Variants in ZC3H14 observed in about 807,000 individuals in gnomAD.
ZC3H14 encodes the protein zinc finger CCCH-type containing 14.
Under a neutral mutation model 92.4 loss-of-function variants are expected in ZC3H14, and 31 were observed. The observed-to-expected ratio is 0.34, with a 90% CI of 0.25 to 0.45. The LOEUF is 0.45. Among genes scored for constraint, ZC3H14 ranks in the 20% least tolerant of loss-of-function variants. The pLI, the probability that ZC3H14 is intolerant of heterozygous loss-of-function variation, is 1.00. For synonymous variants in ZC3H14, 321 were observed against 300.9 expected (o/e 1.07, Z -0.69); for missense variants, 781 against 897.3 (o/e 0.87, Z 1.66).
intron 9 of ZC3H14, among the ~76,000 whole-genome samples, chr14:88,578,945 T>C (rs1216135735): frequency 6.6e-6 from 1 of 152,028 alleles, no homozygotes; most frequent in Admixed American, 6.6e-5. Context: ...GTTTGGACTT[T>C]TGGTGTCTGT....
At chr14:88,579,077 A>AC (rs2081558630) in intron 9 of ZC3H14, among the ~76,000 whole-genome samples, 1 of 151,682 alleles carries the variant, frequency 6.6e-6, no homozygotes, top group South Asian at 2.1e-4. Context: ...GAATTTTAAG[A>AC]CCCCACCAAA....
At chr14:88,595,839 C>T (rs888876918) in intron 9 of ZC3H14, among the ~76,000 whole-genome samples, 3 of 152,202 alleles carry the variant, frequency 2.0e-5, no homozygotes, top group African/African-American at 7.2e-5. Flanking sequence ...AGCATGTGGG[C>T]ATCTTAGTAA....
chr14:88,582,975 A>C (rs2082080366), intron 9 of ZC3H14, among the ~76,000 whole-genome samples: 1 of 151,418 alleles, frequency 6.6e-6, no homozygotes, highest in Non-Finnish European at 1.5e-5. Flanking sequence ...CACCCACCTC[A>C]TAATATGTGT....
rs141673902 is a variant in ZC3H14 at position 88,611,313 on chromosome 14, G to A, written c.2204+373G>A. Among the ~76,000 whole-genome samples the A allele has an allele frequency of 5.0e-3, 767 of 152,078 alleles. 2 individuals are homozygous for A. Among genetic ancestry groups the A allele is most frequent in the Middle Eastern group, 0.014 (4 of 294 alleles). ...TTATTTTAAGTAGAGATGGGGTCTT[G>A]AACTCCTGAGCTGAAGCGATATCCT... On this transcript the variant is annotated intron_variant, in intron 16 of 16. Coordinates refer to ENST00000251038, the MANE Select transcript of ZC3H14 (RefSeq NM_024824.5).
intron 2 of ZC3H14, among the ~76,000 whole-genome samples, chr14:88,567,124 A>ATTTAT (rs142510062): frequency 6.9e-6 from 1 of 145,234 alleles, no homozygotes; most frequent in Non-Finnish European, 1.5e-5. Flanking sequence ...TTATTTATTT[A>ATTTAT]TTTTTTTTTG....
intron 2 of ZC3H14, among the ~76,000 whole-genome samples, chr14:88,566,469 T>C (rs1198765275): frequency 1.3e-5 from 2 of 152,244 alleles, no homozygotes; most frequent in South Asian, 2.1e-4. Flanking sequence ...GATGAGAGAA[T>C]TGAGGCTCAG....
Position 88,602,982 on chromosome 14 carries a change from C to T in ZC3H14, c.1669C>T (p.Leu557Phe), listed in dbSNP as rs1566969305. Residue 557 changes from leucine to phenylalanine, a missense_variant, in exon 12 of 17, where the codon CTC becomes TTC. Leu to Phe is a conservative substitution (Grantham distance 22). Transcript: ENST00000251038. ...CCAAACTGCAGCCTCAAACAAGGGA[C>T]TCAGAGGTCTCCTCCACCCACAGCA... is the stretch of plus-strand genomic sequence containing the variant. ...VNQTAASNKG[L>F]RGLLHPQQLH... 3 of 1,614,158 alleles carry T rather than the reference C, an allele frequency of 1.9e-6. No individual in the cohort carries two copies. Among genetic ancestry groups the T allele is most frequent in the Non-Finnish European group, 2.5e-6 (3 of 1,180,032 alleles).
rs924514298 is a variant in ZC3H14, at chr14:88,618,220, G to C, written c.*6469G>C. On this transcript the variant is annotated 3_prime_UTR_variant, in exon 17 of 17. Transcript: ENST00000251038. ...CAGTTCTTGCCTTGTGAATATATAAGTATTTACCTAGTCCATGTAGCCCAA... is the reference window on the plus strand; with the variant it reads ...CAGTTCTTGCCTTGTGAATATATAACTATTTACCTAGTCCATGTAGCCCAA... The C allele has an allele frequency of 1.9e-6, 3 of 1,611,702 alleles. No individual in the cohort carries two copies. Among genetic ancestry groups the C allele is most frequent in the Non-Finnish European group, 1.7e-6 (2 of 1,178,262 alleles).
In ZC3H14 at chr14:88,611,914, T is replaced by TGTAA. The variant is rs570977613; in HGVS notation, c.*166_*169dup. On this transcript the variant is annotated 3_prime_UTR_variant, in exon 17 of 17. Transcript: ENST00000251038. ...TCTGAAGTGTCTAATTTTTCAAGTT[T>TGTAA]GTAAGTTTATTATGTGGTTTTAACA... The TGTAA allele has an allele frequency of 2.5e-4, 240 of 968,004 alleles. 3 individuals carry two copies. In the South Asian group the frequency reaches 3.6e-3, roughly 14 times the overall value. 60.0% of individuals were successfully genotyped at this position (968,004 alleles called of 1,614,324 possible).
chr14:88,622,948 T>C lies in ZC3H14; in HGVS notation c.*11197T>C. ...ATTTTATTTTGAGAAATACTCTTTT[T>C]TTCTGACATGAGCATAATTTTATTT... On this transcript the variant is annotated 3_prime_UTR_variant, in exon 17 of 17. Coordinates refer to ENST00000251038, the MANE Select transcript of ZC3H14 (RefSeq NM_024824.5). 2.5e-6 allele frequency: 1 copy of C among 398,084 alleles called. No homozygotes were observed. The allele number at this position is 398,084 out of a possible 1,614,324, so 24.7% of individuals were successfully genotyped here.
chr14:88,578,125 G>A lies in ZC3H14; in HGVS notation c.1264G>A (p.Val422Ile). Residue 422 changes from valine (V) to isoleucine (I), a missense_variant, in exon 9 of 17, where the codon GTA becomes ATA. Transcript: ENST00000251038. ...IKEEETKGDS[V>I]EKNQGTQQRQ... ...AGAAGAGGAAACAAAAGGAGATTCT[G>A]TAGAAAAAAATCAAGGTAATAACTT... 1.2e-6 allele frequency: 2 copies of A among 1,613,880 alleles called. No homozygotes were observed. The highest frequency in any genetic ancestry group is 1.1e-5 in the South Asian group (1 of 91,064).
Position 88,572,205 on chromosome 14 carries a change from G to C in ZC3H14, c.411G>C (p.Glu137Asp), listed in dbSNP as rs1267556396. 1 of 1,614,144 alleles carries C rather than the reference G, an allele frequency of 6.2e-7. No homozygotes were observed. Among genetic ancestry groups the C allele is most frequent in the Non-Finnish European group, 8.5e-7 (1 of 1,180,036 alleles). The change falls in exon 5 of 17, where the codon GAG becomes GAC. Residue 137 changes from glutamate to aspartate, a missense_variant. By Grantham distance (45) the Glu-to-Asp change is conservative. Around this residue, in one of 3 missense-constraint regions of ZC3H14, gnomAD observed 454 missense variants for 438.5 expected, o/e 1.04. Transcript: ENST00000251038. ...RDSRVSTSSQ[E>D]SKTTNVRQTY... The stretch of plus-strand genomic sequence containing the variant: ...CCAGAGTTTCTACAAGTTCGCAGGA[G>C]TCAAAAACCACAAATGTCAGGTAAG...
intron 9 of ZC3H14, among the ~76,000 whole-genome samples, chr14:88,587,874 G>A (rs768683253): frequency 2.0e-5 from 3 of 152,032 alleles, no homozygotes; most frequent in Non-Finnish European, 4.4e-5. Context: ...CCAGGAGTTC[G>A]AGGTTACAGT....
chr14:88,586,939 T>C (rs970004036), intron 9 of ZC3H14, among the ~76,000 whole-genome samples: 1 of 152,218 alleles, frequency 6.6e-6, no homozygotes, highest in Non-Finnish European at 1.5e-5. Flanking sequence ...AATAATATGC[T>C]TTATACTGTT....
Position 88,614,663 on chromosome 14 carries a change from A to G in ZC3H14, c.*2912A>G, listed in dbSNP as rs768795803. 3.3e-5 allele frequency: 5 copies of G among 152,220 alleles called. No individual in the cohort carries two copies. Among genetic ancestry groups the G allele is most frequent in the Middle Eastern group, 3.2e-3 (1 of 316 alleles). 9.4% of individuals were successfully genotyped at this position (152,220 alleles called of 1,614,324 possible). A position where few individuals can be genotyped will look rare whatever the true frequency, so the allele number is the denominator to read the frequency against. On this transcript the variant is annotated 3_prime_UTR_variant, in exon 17 of 17. Coordinates refer to ENST00000251038, the MANE Select transcript of ZC3H14 (RefSeq NM_024824.5). ...TAATTTTCAATCTTCAGGAAACTAC[A>G]GATAGGCTAGACAGCGAATTCCTGA...
chr14:88,604,635 C>G (rs555432183), intron 12 of ZC3H14, among the ~76,000 whole-genome samples: 1 of 151,662 alleles, frequency 6.6e-6, no homozygotes, highest in South Asian at 2.1e-4. Context: ...TCTCTGTCCC[C>G]CAGGCTGGAG....
At chr14:88,600,713 G>C (rs941371990) in intron 10 of ZC3H14, among the ~76,000 whole-genome samples, 4 of 152,124 alleles carry the variant, frequency 2.6e-5, no homozygotes, top group African/African-American at 9.7e-5. Flanking sequence ...TGGCCTCCCA[G>C]AATGTTGGGA....
rs553633202 is a variant in ZC3H14 at position 88,585,439 on chromosome 14, C to T, written c.1279+7299C>T. Among the ~76,000 whole-genome samples, 546 of 150,456 alleles carry T rather than the reference C, an allele frequency of 3.6e-3. 7 individuals are homozygous for T. Among genetic ancestry groups the T allele is most frequent in the African/African-American group, 0.013 (519 of 40,850 alleles). ...GTTGCCAGGCTGGAGTGTAGTAGCG[C>T]GATCTCGGCTCACCGCAACCTCCGA... On this transcript the variant is annotated intron_variant, in intron 9 of 16. Transcript: ENST00000251038.
intron 8 of ZC3H14, among the ~76,000 whole-genome samples, chr14:88,576,146 A>G (rs183039725): frequency 6.6e-5 from 10 of 152,358 alleles, no homozygotes; most frequent in Admixed American, 3.3e-4. Flanking sequence ...GTAGTTTTTC[A>G]AGCACCATAT....
Sources: allele counts gnomAD v4.1 joint callset (sites outside exome capture counted in the v4.1 genomes callset), GRCh38; gene constraint gnomAD v4.1.1; regional missense constraint gnomAD v4.1.1; transcripts MANE v1.5; gene names NCBI Gene and HGNC (gene_info 2026-07-23, HGNC 2026-07-21).